MORN1: variants seen among roughly 807,000 people sequenced by gnomAD.
The protein encoded by MORN1 is MORN repeat containing 1, also known as MORN repeat-containing protein 1.
MORN1 carries 67 observed loss-of-function variants against 61.9 expected under a neutral mutation model. The observed-to-expected ratio is 1.08, with a 90% confidence interval of 0.89 to 1.33. MORN1 has a LOEUF of 1.33. Ranked by LOEUF, MORN1 falls within the 40% of genes most tolerant of loss-of-function variation. The probability of loss-of-function intolerance (pLI) is 0.00; values close to 1 mark genes in which losing one functional copy is unlikely to be tolerated. For missense variants in MORN1, 752 were observed against 691.2 expected, an observed-to-expected ratio of 1.09 and a Z score of -0.99; for synonymous variants, 301 against 292.0, an observed-to-expected ratio of 1.03 and a Z score of -0.31.
At chr1:2,358,813 C>T (rs2100307779) in intron 8 of MORN1, 98 bp from the exon 9 acceptor site, 1 of 1,439,626 alleles carries the variant, frequency 6.9e-7, no homozygotes, top group East Asian at 2.5e-5. Flanking sequence ...GTTTATAACT[C>T]AGCGGGGCCA....
chr1:2,325,433 T>A (rs1379736931), intron 12 of MORN1, among the ~76,000 whole-genome samples: 1 of 150,934 alleles, frequency 6.6e-6, no homozygotes, highest in African/African-American at 2.4e-5. Flanking sequence ...CGCCTTAGCC[T>A]TCCAAGGAGC....
chr1:2,374,709 C>G (rs1642196596), intron 6 of MORN1, 152 bp from the exon 7 acceptor site: 3 of 612,118 alleles, frequency 4.9e-6, no homozygotes, highest in Non-Finnish European at 8.6e-6. Flanking sequence ...TGCAGCCTGT[C>G]CCTCGGTGGT....
In MORN1 at chr1:2,357,665, G is replaced by A. The variant is rs777254472; in HGVS notation, c.870-67C>T. On this transcript the variant is annotated intron_variant, in intron 9 of 13. Transcript: ENST00000378531. The surrounding 1 kb of genome is among the most constrained non-coding windows in gnomAD (Gnocchi z 6.3). ...CCAAACTAGGGTGCAGGCAGACAGC[G>A]TGGCCCACGCCCTGGACCCTGGGAC... 1.5e-5 allele frequency: 23 copies of A among 1,512,902 alleles called. No individual in the cohort carries two copies. Among genetic ancestry groups the A allele is most frequent in the South Asian group, 3.9e-5 (3 of 76,710 alleles). The allele number at this position is 1,512,902 out of a possible 1,614,324, so 93.7% of individuals were successfully genotyped here.
Position 2,372,254 on chromosome 1 carries a change from C to T in MORN1, c.745+227G>A, listed in dbSNP as rs3820008. The T allele has an allele frequency of 8.2e-3, 4,264 of 517,492 alleles. 195 individuals carry two copies. In the East Asian group the frequency reaches 0.1, roughly 12 times the overall value. 32.1% of individuals were successfully genotyped at this position (517,492 alleles called of 1,614,324 possible). A position where few individuals can be genotyped will look rare whatever the true frequency, so the allele number is the denominator to read the frequency against. ...ACATATGCACACACATACAGGAGCA[C>T]GCACATCACACAATATGTGCACACA... On this transcript the variant is annotated intron_variant, in intron 8 of 13. Transcript: ENST00000378531. This position sits in a 1 kb window ranked among gnomAD's most constrained non-coding sequence, Gnocchi z 5.4.
Position 2,358,709 on chromosome 1 carries a change from C to T in MORN1, c.752G>A (p.Ser251Asn). The change falls in exon 9 of 14, where the codon AGC (serine) becomes AAC (asparagine). Residue 251 changes from serine (S) to asparagine (N), a missense_variant. Ser to Asn is a conservative substitution (Grantham distance 46, BLOSUM62 1). Coordinates refer to ENST00000378531, the MANE Select transcript of MORN1 (RefSeq NM_024848.3). ...CGCTGAGATCTGCAGGACCCGGCCG[C>T]TCTCGCCTTCCAGGAGAGAGGAGCA... ...QDHGEIAKSE[S>N]GRVLQISAGV... 1.2e-6 allele frequency: 2 copies of T among 1,610,236 alleles called. No individual in the cohort carries two copies. Among genetic ancestry groups the T allele is most frequent in the Non-Finnish European group, 1.7e-6 (2 of 1,178,042 alleles).
chr1:2,323,186 G>C (rs970457884), intron 13 of MORN1: 2 of 985,248 alleles, frequency 2.0e-6, no homozygotes, highest in South Asian at 4.7e-5. Flanking sequence ...GTGGGACCAC[G>C]GGGGACACCG....
chr1:2,390,556 C>A (rs1642625048), intron 1 of MORN1: 1 of 985,254 alleles, frequency 1.0e-6, no homozygotes, highest in Non-Finnish European at 1.2e-6. Context: ...AGGGCTCCCT[C>A]CCTACCAGCT....
At chr1:2,346,231 G>A (rs1641513431) in intron 10 of MORN1, among the ~76,000 whole-genome samples, 1 of 152,192 alleles carries the variant, frequency 6.6e-6, no homozygotes, top group Admixed American at 6.5e-5. Flanking sequence ...GGCCTGGCCT[G>A]AAAGCTTCAC....
chr1:2,340,163 G>A (rs911445965), intron 10 of MORN1, among the ~76,000 whole-genome samples: 10 of 152,012 alleles, frequency 6.6e-5, no homozygotes, highest in African/African-American at 2.4e-4. Flanking sequence ...AGACCTCGGA[G>A]GCTGCTGTCC....
chr1:2,322,770 G>A, intron 13 of MORN1: 1 of 985,476 alleles, frequency 1.0e-6, no homozygotes, highest in Non-Finnish European at 1.2e-6. Context: ...CGCTGGCCGG[G>A]GGGCCGAGAG....
At chr1:2,367,108 C>T (rs1642012305) in intron 8 of MORN1, among the ~76,000 whole-genome samples, 1 of 152,158 alleles carries the variant, frequency 6.6e-6, no homozygotes, top group Admixed American at 6.5e-5. Context: ...CAAGTGCACA[C>T]AAACTCTTCC....
At chr1:2,388,034 A>G (rs1455069147) in intron 3 of MORN1, 17 of 531,914 alleles carry the variant, frequency 3.2e-5, no homozygotes, top group Non-Finnish European at 5.7e-5. Flanking sequence ...TTTATTCTAG[A>G]AAAGTGTCTC....
intron 12 of MORN1, among the ~76,000 whole-genome samples, chr1:2,325,113 C>CCTCCCTTT (rs1557865140): frequency 2.0e-5 from 2 of 98,294 alleles, no homozygotes; most frequent in African/African-American, 5.6e-5. Flanking sequence ...CCTTTCCTTC[C>CCTCCCTTT]CTTCCTTCCC....
intron 13 of MORN1, 129 bp downstream of exon 13, chr1:2,323,968 C>T (rs1031365500): frequency 2.2e-5 from 32 of 1,455,742 alleles, no homozygotes; most frequent in Non-Finnish European, 2.7e-5. Context: ...CCCAGTCCCC[C>T]ACCCACTGCC....
chr1:2,322,535 G>T (rs1640905853), intron 13 of MORN1: 1 of 985,248 alleles, frequency 1.0e-6, no homozygotes, highest in Non-Finnish European at 1.2e-6. Context: ...GAATGTGCTT[G>T]GCCCCGAGTC....
intron 10 of MORN1, among the ~76,000 whole-genome samples, chr1:2,338,423 T>A (rs1357766764): frequency 1.3e-5 from 2 of 152,180 alleles, no homozygotes; most frequent in African/African-American, 4.8e-5. Flanking sequence ...AACGCACCGA[T>A]GGTTTCCACG....
chr1:2,335,851 A>T (rs1641262594), intron 12 of MORN1, among the ~76,000 whole-genome samples: 1 of 136,198 alleles, frequency 7.3e-6, no homozygotes, highest in Non-Finnish European at 1.5e-5. Context: ...CCCAGCGCGC[A>T]GCTGCCCCCA....
At chr1:2,369,118 G>A (rs56117848) in intron 8 of MORN1, among the ~76,000 whole-genome samples, 22,354 of 151,536 alleles carry the variant, frequency 0.15, 1,999 homozygotes, top group Middle Eastern at 0.21. Flanking sequence ...TTGGGAGGCC[G>A]AGGGTGGTGG....
intron 10 of MORN1, among the ~76,000 whole-genome samples, chr1:2,354,344 T>G (rs891373558): frequency 6.6e-6 from 1 of 151,920 alleles, no homozygotes; most frequent in Non-Finnish European, 1.5e-5. Context: ...GCGGGAGGAC[T>G]GCTTGAACTC....
Sources: allele counts gnomAD v4.1 joint callset (sites outside exome capture counted in the v4.1 genomes callset), GRCh38; gene constraint gnomAD v4.1.1; non-coding constraint Gnocchi (gnomAD v3.1); transcripts MANE v1.5; gene names NCBI Gene and HGNC (gene_info 2026-07-23, HGNC 2026-07-21).